Variants in TRIQK observed in about 807,000 individuals in gnomAD.
The protein encoded by TRIQK is triple QxxK/R motif-containing protein.
Under a neutral mutation model 10.8 loss-of-function variants are expected in TRIQK, and 10 were observed. The observed-to-expected ratio is 0.92, with a 90% CI of 0.57 to 1.57. The LOEUF is 1.57. TRIQK is among the 40% of genes most tolerant of loss of function. TRIQK has a pLI of 0.00. For missense variants in TRIQK, 107 were observed against 97.7 expected (o/e 1.09, Z -0.40); for synonymous variants, 33 against 33.7 (o/e 0.98, Z 0.07).
Position 92,885,090 on chromosome 8 carries a change from A to G in TRIQK, c.*1532T>C. On this transcript the variant is annotated 3_prime_UTR_variant, in exon 5 of 5. Coordinates refer to ENST00000521988, the MANE Select transcript of TRIQK (RefSeq NM_001171797.2). ...GTGAGTTCAAAGGGAAGAATCTAGT[A>G]AATAACACCGGCTAAATTTTGCCCT... 6 of 437,634 alleles carry G rather than the reference A, an allele frequency of 1.4e-5. No individual in the cohort carries two copies. The highest frequency in any genetic ancestry group is 7.9e-5 in the South Asian group (5 of 63,334). The allele number at this position is 437,634 out of a possible 1,614,324, so 27.1% of individuals were successfully genotyped here.
intron 2 of TRIQK, among the ~76,000 whole-genome samples, chr8:92,937,259 T>C (rs1811038616): frequency 6.6e-6 from 1 of 150,772 alleles, no homozygotes; most frequent in Non-Finnish European, 1.5e-5. Flanking sequence ...ACATGAAAAA[T>C]CAATAGTCAA....
chr8:92,982,465 G>C (rs1319313522), intron 1 of TRIQK, among the ~76,000 whole-genome samples: 2 of 151,962 alleles, frequency 1.3e-5, no homozygotes, highest in East Asian at 1.9e-4. Context: ...TACAAAACAA[G>C]ACAACATTTC....
chr8:92,886,743 GAA>G lies in TRIQK; in HGVS notation c.148-10_148-9del. Reference sequence around the variant, plus strand: ...AAGTACAAGGCCAACTTCCTGGGAAGAAAAAAAAAGTAGACTTGAAATTGATG... The same window carrying G: ...AAGTACAAGGCCAACTTCCTGGGAAGAAAAAAAGTAGACTTGAAATTGATG... On this transcript the variant is annotated splice_polypyrimidine_tract_variant and intron_variant, in intron 4 of 4. Transcript: ENST00000521988. 1.4e-6 allele frequency: 2 copies of G among 1,407,138 alleles called. No individual in the cohort carries two copies. The highest frequency in any genetic ancestry group is 9.6e-7 in the Non-Finnish European group (1 of 1,045,374). 87.2% of individuals were successfully genotyped at this position (1,407,138 alleles called of 1,614,324 possible).
intron 1 of TRIQK, among the ~76,000 whole-genome samples, chr8:92,959,540 GA>G (rs1812343749): frequency 6.8e-6 from 1 of 147,864 alleles, no homozygotes; most frequent in African/African-American, 2.5e-5. Flanking sequence ...CTTTTGTGTT[GA>G]TATTGCATTA....
intron 2 of TRIQK, among the ~76,000 whole-genome samples, chr8:92,940,748 G>A (rs1163393862): frequency 2.0e-5 from 3 of 152,038 alleles, no homozygotes; most frequent in Admixed American, 2.0e-4. Context: ...AAGAAACATT[G>A]AATTTAGGCT....
intron 3 of TRIQK, among the ~76,000 whole-genome samples, chr8:92,906,664 T>G (rs13276950): frequency 0.8 from 119,255 of 149,664 alleles, 47,974 homozygotes; most frequent in African/African-American, 0.89. Flanking sequence ...TCTTCCTTTA[T>G]GCCAAATCAC....
At chr8:92,944,991 TTAA>T (rs989762585) in intron 2 of TRIQK, among the ~76,000 whole-genome samples, 6 of 152,140 alleles carry the variant, frequency 3.9e-5, no homozygotes, top group African/African-American at 1.2e-4. Context: ...TTATTATATC[TTAA>T]TAAAACAAAG....
rs749894998 is a variant in TRIQK, at chr8:92,924,103, C to T, written c.-21-7093G>A. On this transcript the variant is annotated intron_variant, in intron 2 of 4. Coordinates refer to ENST00000521988, the MANE Select transcript of TRIQK (RefSeq NM_001171797.2). ...CTTACTAAGAAAACTCTTCGCTAAA[C>T]GTGAAGCTATAGTTAGGCAGAAAAG... is the stretch of plus-strand genomic sequence containing the variant. 7.9e-5 allele frequency among the ~76,000 whole-genome samples: 12 copies of T among 151,982 alleles called. 1 individual carries two copies. In the South Asian group the frequency reaches 2.1e-3, roughly 26 times the overall value.
intron 3 of TRIQK, among the ~76,000 whole-genome samples, chr8:92,913,806 C>A (rs897126856): frequency 1.3e-5 from 2 of 152,160 alleles, no homozygotes; most frequent in African/African-American, 4.8e-5. Flanking sequence ...ATAATGAGTT[C>A]ATGTCCTTTG....
At position 92,916,930 on chromosome 8, in the gene TRIQK, A is replaced by G. The variant is rs764318724; in HGVS notation, c.60T>C (p.Ile20=). ...TATCAAAGATAATTCATTGCTTACC[A>G]ATTTGTTTTCTGTACTGATCAACAG... is the stretch of plus-strand genomic sequence containing the variant. ...KLPVDQYRKQ[I]GKQDYKKTKP... is the part of the protein sequence containing the mutation. Residue 20 remains isoleucine, a splice_region_variant and synonymous_variant, in exon 3 of 5, where the codon ATT becomes ATC. Transcript: ENST00000521988. 79 of 1,469,818 alleles carry G rather than the reference A, an allele frequency of 5.4e-5. No individual in the cohort carries two copies. The highest frequency in any genetic ancestry group is 6.9e-5 in the Non-Finnish European group (77 of 1,116,222). The allele number at this position is 1,469,818 out of a possible 1,614,324, so 91.0% of individuals were successfully genotyped here. A position where few individuals can be genotyped will look rare whatever the true frequency, so the allele number is the denominator to read the frequency against.
At chr8:92,938,666 G>A (rs987607347) in intron 2 of TRIQK, among the ~76,000 whole-genome samples, 6 of 151,960 alleles carry the variant, frequency 3.9e-5, no homozygotes, top group Admixed American at 1.3e-4. Context: ...ATAACTAACC[G>A]AGGCACTGTT....
At chr8:92,888,640 T>C (rs970094999) in intron 4 of TRIQK, among the ~76,000 whole-genome samples, 3 of 151,494 alleles carry the variant, frequency 2.0e-5, no homozygotes, top group South Asian at 2.1e-4. Flanking sequence ...TAGAGACCTA[T>C]AGGCATTTAT....
intron 1 of TRIQK, among the ~76,000 whole-genome samples, chr8:92,989,557 T>A (rs1813074993): frequency 6.6e-6 from 1 of 152,226 alleles, no homozygotes; most frequent in Admixed American, 6.5e-5. Flanking sequence ...ATCTAATACC[T>A]GATGATCCGT....
chr8:92,884,583 A>G lies in TRIQK; in HGVS notation c.*2039T>C. 1 of 317,200 alleles carries G rather than the reference A, an allele frequency of 3.2e-6. No homozygotes were observed. The highest frequency in any genetic ancestry group is 6.2e-6 in the Non-Finnish European group (1 of 160,738). 19.6% of individuals were successfully genotyped at this position (317,200 alleles called of 1,614,324 possible). ...TCAAAAACATTTTTCCCCAAAAAATACCTCAAGGGTAAAACAGAATGGTAA... is the reference window on the plus strand; with the variant it reads ...TCAAAAACATTTTTCCCCAAAAAATGCCTCAAGGGTAAAACAGAATGGTAA... On this transcript the variant is annotated 3_prime_UTR_variant, in exon 5 of 5. Transcript: ENST00000521988.
chr8:93,002,845 G>A (rs528801170), intron 1 of TRIQK, among the ~76,000 whole-genome samples: 13 of 151,810 alleles, frequency 8.6e-5, no homozygotes, highest in Non-Finnish European at 1.3e-4. Flanking sequence ...ACTTGAACCC[G>A]GAAGGCAGAG....
chr8:92,904,296 A>T (rs1809126695), intron 3 of TRIQK, among the ~76,000 whole-genome samples: 1 of 152,124 alleles, frequency 6.6e-6, no homozygotes, highest in African/African-American at 2.4e-5. Flanking sequence ...TATTTTGTTA[A>T]TGAGTGTGAA....
intron 1 of TRIQK, among the ~76,000 whole-genome samples, chr8:92,995,082 C>T: frequency 6.6e-6 from 1 of 151,780 alleles, no homozygotes; most frequent in Non-Finnish European, 1.5e-5. Flanking sequence ...TAATTCATTC[C>T]TTATTTGTTA....
rs762398452 is a variant in TRIQK, at chr8:92,916,899, G to GT, written c.61+29_61+30insA. On this transcript the variant is annotated intron_variant, in intron 3 of 4. Transcript: ENST00000521988. ...AATTGTGTTTTTATCTCAATTAATA[G>GT]GAGTGTATCAAAGATAATTCATTGC... 52 of 1,385,474 alleles carry GT rather than the reference G, an allele frequency of 3.8e-5. No individual in the cohort carries two copies. The African/African-American group carries it at 7.5e-4, about 20-fold the overall frequency. 85.8% of individuals were successfully genotyped at this position (1,385,474 alleles called of 1,614,324 possible).
chr8:93,012,668 C>T (rs1813346774), intron 1 of TRIQK, among the ~76,000 whole-genome samples: 1 of 152,106 alleles, frequency 6.6e-6, no homozygotes, highest in Non-Finnish European at 1.5e-5. Flanking sequence ...CGTTATAATT[C>T]ACTATCTCCT....
Sources: gnomAD v4.1 joint callset for allele counts (sites outside exome capture counted in the v4.1 genomes callset) on GRCh38, gnomAD v4.1.1 for gene constraint, MANE v1.5 for transcripts, NCBI Gene and HGNC (gene_info 2026-07-23, HGNC 2026-07-21) for gene names.